Variants in RBFOX1 observed in about 807,000 individuals in gnomAD.
RBFOX1 encodes the protein RNA binding protein fox-1 homolog 1.
RBFOX1 carries 8 observed loss-of-function variants against 57.7 expected under a neutral mutation model. The observed-to-expected ratio is 0.14, with a 90% CI of 0.08 to 0.25. RBFOX1 has a LOEUF of 0.25. Ranked by LOEUF, RBFOX1 falls within the 10% of genes least tolerant of loss-of-function variation. RBFOX1 has a pLI of 1.00. For synonymous variants in RBFOX1, 326 were observed against 222.4 expected (o/e 1.47, Z -4.15); for missense variants, 611 against 548.5 (o/e 1.11, Z -1.14).
intron 14 of RBFOX1, among the ~76,000 whole-genome samples, chr16:7,702,692 A>C (rs766327262): frequency 6.6e-6 from 1 of 152,136 alleles, no homozygotes; most frequent in Non-Finnish European, 1.5e-5. Flanking sequence ...AGCCCCTGAG[A>C]ATTGCTGAAA....
At chr16:6,801,537 C>T (rs1463263430) in intron 3 of RBFOX1, among the ~76,000 whole-genome samples, 1 of 151,940 alleles carries the variant, frequency 6.6e-6, no homozygotes, top group Non-Finnish European at 1.5e-5. Flanking sequence ...AAAGTCAGGG[C>T]CCTTGAAATT....
intron 1 of RBFOX1, among the ~76,000 whole-genome samples, chr16:5,394,949 C>T (rs942114952): frequency 1.3e-5 from 2 of 152,240 alleles, no homozygotes; most frequent in South Asian, 2.1e-4. Context: ...CGGCATGATT[C>T]TCCTGAAGCT....
At chr16:6,742,644 T>C (rs930385580) in intron 3 of RBFOX1, among the ~76,000 whole-genome samples, 7 of 152,198 alleles carry the variant, frequency 4.6e-5, no homozygotes, top group African/African-American at 1.7e-4. Flanking sequence ...TGAACTACTA[T>C]TCAGCAATAA....
intron 3 of RBFOX1, among the ~76,000 whole-genome samples, chr16:6,945,774 C>T (rs528622505): frequency 1.6e-3 from 246 of 152,222 alleles, no homozygotes; most frequent in Non-Finnish European, 2.4e-3. Context: ...ACCTGTAATC[C>T]CAGCTACTTC....
chr16:6,759,819 A>T (rs2076350621), intron 3 of RBFOX1, among the ~76,000 whole-genome samples: 1 of 152,160 alleles, frequency 6.6e-6, no homozygotes, highest in East Asian at 1.9e-4. Flanking sequence ...TTATTACTAG[A>T]TTGTTTATAA....
At chr16:6,578,454 C>G (rs2097479363) in intron 2 of RBFOX1, among the ~76,000 whole-genome samples, 1 of 152,110 alleles carries the variant, frequency 6.6e-6, no homozygotes, top group Non-Finnish European at 1.5e-5. Context: ...CAGTGATCTG[C>G]TTCTCTGGGT....
chr16:6,395,932 G>C (rs1404861223), intron 2 of RBFOX1, among the ~76,000 whole-genome samples: 1 of 151,698 alleles, frequency 6.6e-6, no homozygotes, highest in African/African-American at 2.4e-5. Flanking sequence ...TGGTCATGGT[G>C]GCGTGCACCT....
chr16:6,438,027 C>G (rs535655511), intron 2 of RBFOX1, among the ~76,000 whole-genome samples: 2 of 152,156 alleles, frequency 1.3e-5, no homozygotes, highest in Non-Finnish European at 2.9e-5. Flanking sequence ...GAAAGAGTAG[C>G]TGGATTTCAT....
At chr16:5,484,313 A>G (rs529329908) in intron 2 of RBFOX1, among the ~76,000 whole-genome samples, 39 of 152,340 alleles carry the variant, frequency 2.6e-4, no homozygotes, top group Non-Finnish European at 5.3e-4. Context: ...TGGAGATACT[A>G]GTTTCCTGCC....
chr16:5,618,494 C>T (rs980132684), intron 3 of RBFOX1, among the ~76,000 whole-genome samples: 3 of 152,096 alleles, frequency 2.0e-5, no homozygotes, highest in South Asian at 2.1e-4. Context: ...CCCGCCATCA[C>T]GCCCAGCTAA....
intron 1 of RBFOX1, among the ~76,000 whole-genome samples, chr16:6,278,992 T>A (rs917202925): frequency 5.3e-5 from 8 of 152,200 alleles, no homozygotes; most frequent in Non-Finnish European, 7.3e-5. Flanking sequence ...TCCTTTGGTC[T>A]AAAATTTTAT....
At chr16:6,648,225 T>C (rs2098549610) in intron 2 of RBFOX1, among the ~76,000 whole-genome samples, 1 of 151,806 alleles carries the variant, frequency 6.6e-6, no homozygotes, top group South Asian at 2.1e-4. Context: ...TTTTTCTTCT[T>C]TATTATTATT....
At chr16:5,649,748 G>A (rs987557740) in intron 3 of RBFOX1, among the ~76,000 whole-genome samples, 7 of 152,260 alleles carry the variant, frequency 4.6e-5, no homozygotes, top group Middle Eastern at 3.4e-3. Flanking sequence ...CAAATTGAAG[G>A]CCATCATGTA....
At chr16:7,259,705 T>A (rs193170917) in intron 4 of RBFOX1, among the ~76,000 whole-genome samples, 382 of 152,358 alleles carry the variant, frequency 2.5e-3, no homozygotes, top group South Asian at 6.0e-3. Flanking sequence ...TGTTTATACA[T>A]CACTCACTTA....
At chr16:6,769,966 T>C (rs1480470242) in intron 3 of RBFOX1, among the ~76,000 whole-genome samples, 1 of 152,182 alleles carries the variant, frequency 6.6e-6, no homozygotes, top group Non-Finnish European at 1.5e-5. Context: ...GCCTTATGCC[T>C]GCAGGCTACA....
chr16:6,257,754 A>G (rs960229972), intron 1 of RBFOX1, among the ~76,000 whole-genome samples: 4 of 152,092 alleles, frequency 2.6e-5, no homozygotes, highest in Non-Finnish European at 4.4e-5. Context: ...GGACATGATC[A>G]TGTTCTTTTT....
At chr16:7,407,348 A>G (rs1350423736) in intron 4 of RBFOX1, among the ~76,000 whole-genome samples, 5 of 149,348 alleles carry the variant, frequency 3.3e-5, no homozygotes, top group African/African-American at 9.9e-5. Context: ...AAAGCATAGA[A>G]TTTTGACTTC....
chr16:7,269,577 C>G (rs1192861562), intron 4 of RBFOX1, among the ~76,000 whole-genome samples: 1 of 151,908 alleles, frequency 6.6e-6, no homozygotes, highest in Admixed American at 6.6e-5. Context: ...AACATTTTAC[C>G]ATGCCATGAA....
chr16:6,969,159 C>G (rs1440560002), intron 3 of RBFOX1, among the ~76,000 whole-genome samples: 2 of 152,094 alleles, frequency 1.3e-5, no homozygotes, highest in East Asian at 1.9e-4. Context: ...TGTCTGTCCC[C>G]AAAATAGGTA....
Sources: gnomAD v4.1 joint callset for allele counts (sites outside exome capture counted in the v4.1 genomes callset) on GRCh38, gnomAD v4.1.1 for gene constraint, MANE v1.5 for transcripts, NCBI Gene and HGNC (gene_info 2026-07-23, HGNC 2026-07-21) for gene names.